Variants in DNER observed in about 807,000 individuals in gnomAD.
DNER encodes the protein delta/notch like EGF repeat containing.
In DNER, 33 loss-of-function variants were observed where a neutral mutation model predicts 78.2. The ratio of observed to expected loss-of-function variants is 0.42; its 90% CI spans 0.32 to 0.56. DNER has a LOEUF of 0.56. DNER is among the 20% of genes least tolerant of loss of function. The pLI is 0.11. For missense variants in DNER, 918 were observed against 975.3 expected (o/e 0.94, Z 0.78); for synonymous variants, 417 against 384.8 (o/e 1.08, Z -0.98).
chr2:229,403,613 C>T (rs1005440443), intron 10 of DNER, among the ~76,000 whole-genome samples: 2 of 152,168 alleles, frequency 1.3e-5, no homozygotes, highest in African/African-American at 4.8e-5. Context: ...GAATAGACCA[C>T]TTGTTTTCAA....
chr2:229,676,032 C>A (rs1407302989), intron 1 of DNER, among the ~76,000 whole-genome samples: 1 of 152,176 alleles, frequency 6.6e-6, no homozygotes, highest in Non-Finnish European at 1.5e-5. Flanking sequence ...CCCACTCTCA[C>A]AAGTTCTGGA....
chr2:229,563,546 T>A (rs1376915297), intron 4 of DNER, among the ~76,000 whole-genome samples: 1 of 120,478 alleles, frequency 8.3e-6, no homozygotes, highest in Non-Finnish European at 1.7e-5. Context: ...CATCACCCCA[T>A]CACCATCATC....
rs189505358 is a variant in DNER at position 229,432,728 on chromosome 2, T to C, written c.1487-14498A>G. Among the ~76,000 whole-genome samples, 13 of 152,244 alleles carry C rather than the reference T, an allele frequency of 8.5e-5. No individual in the cohort carries two copies. The East Asian group carries it at 2.5e-3, about 29-fold the overall frequency. On this transcript the variant is annotated intron_variant, in intron 8 of 12. Transcript: ENST00000341772. The stretch of plus-strand genomic sequence containing the variant: ...ACTCAAGACCCGCTGATTCAGGGAC[T>C]CTAAGGGTAGGGCCCAGAACTCCAT...
At chr2:229,445,908 G>A (rs1279037656) in intron 8 of DNER, among the ~76,000 whole-genome samples, 2 of 152,206 alleles carry the variant, frequency 1.3e-5, no homozygotes, top group African/African-American at 4.8e-5. Flanking sequence ...AATATCAGTT[G>A]CTTAGAAAAT....
chr2:229,654,121 C>G (rs556284669), intron 1 of DNER, among the ~76,000 whole-genome samples: 1 of 152,076 alleles, frequency 6.6e-6, no homozygotes, highest in Non-Finnish European at 1.5e-5. Context: ...CCACTCCCCC[C>G]ACCCCACCAC....
intron 6 of DNER, among the ~76,000 whole-genome samples, chr2:229,500,721 T>C (rs1164841951): frequency 6.6e-6 from 1 of 152,134 alleles, no homozygotes; most frequent in Non-Finnish European, 1.5e-5. Flanking sequence ...AAAATTTCCA[T>C]AGGTTTCGGG....
chr2:229,403,160 T>C (rs970543037), intron 10 of DNER, among the ~76,000 whole-genome samples: 1 of 152,168 alleles, frequency 6.6e-6, no homozygotes, highest in African/African-American at 2.4e-5. Flanking sequence ...TTTTGAACAC[T>C]CAGTAGCTGG....
intron 1 of DNER, among the ~76,000 whole-genome samples, chr2:229,698,460 C>T (rs1321494706): frequency 5.3e-5 from 8 of 152,302 alleles, no homozygotes; most frequent in African/African-American, 1.9e-4. Flanking sequence ...ACAGGCTCTA[C>T]TTGCATTTAT....
Position 229,629,026 on chromosome 2 carries a change from G to C in DNER, c.277-37138C>G, listed in dbSNP as rs552695793. Among the ~76,000 whole-genome samples the C allele has an allele frequency of 3.9e-5, 6 of 152,222 alleles. No individual in the cohort carries two copies. The South Asian group carries it at 1.2e-3, about 32-fold the overall frequency. The stretch of plus-strand genomic sequence containing the variant: ...CCACTCACTGTTTTTTGCTCTCAGG[G>C]AAAGGAGCAAGAAAAAGAAATGGGA... On this transcript the variant is annotated intron_variant, in intron 1 of 12. Transcript: ENST00000341772.
At position 229,585,908 on chromosome 2, in the gene DNER, C is replaced by A. The variant is rs146328067; in HGVS notation, c.797G>T (p.Gly266Val). Residue 266 changes from glycine to valine, a missense_variant, in exon 4 of 13, where the codon GGA becomes GTA. By Grantham distance (109) the Gly-to-Val change is moderately radical. Transcript: ENST00000341772. ...GAGCATCTCCTCCAGGAGGACCAGT[C>A]CCCCTGAAGCCTGAAGGGGGGTCAC... ...RSVTPLQASG[G>V]LVLLEEMLAL... 3.1e-6 allele frequency: 5 copies of A among 1,614,020 alleles called. No individual in the cohort carries two copies. The highest frequency in any genetic ancestry group is 3.3e-4 in the Middle Eastern group (2 of 6,062).
At chr2:229,465,588 TA>T (rs902988159) in intron 7 of DNER, among the ~76,000 whole-genome samples, 18 of 150,890 alleles carry the variant, frequency 1.2e-4, no homozygotes, top group African/African-American at 4.1e-4. Context: ...AAATAACATT[TA>T]AAAAAAAATA....
Position 229,435,130 on chromosome 2 carries a change from A to C in DNER, c.1486+12186T>G, listed in dbSNP as rs974861307. ...CTGGGACATTGGCAAACAACAGAAGAAGCAGCTTTAAAGAGAGCATGCATA... is the reference window on the plus strand; with the variant it reads ...CTGGGACATTGGCAAACAACAGAAGCAGCAGCTTTAAAGAGAGCATGCATA... On this transcript the variant is annotated intron_variant, in intron 8 of 12. Coordinates refer to ENST00000341772, the MANE Select transcript of DNER (RefSeq NM_139072.4). Among the ~76,000 whole-genome samples, 5 of 152,302 alleles carry C rather than the reference A, an allele frequency of 3.3e-5. 1 individual carries two copies. Among genetic ancestry groups the C allele is most frequent in the Non-Finnish European group, 2.9e-5 (2 of 68,022 alleles).
At chr2:229,708,775 C>G (rs1699866571) in intron 1 of DNER, among the ~76,000 whole-genome samples, 2 of 152,116 alleles carry the variant, frequency 1.3e-5, no homozygotes, top group African/African-American at 4.8e-5. Flanking sequence ...GTGAGGTGGC[C>G]AAGCTGAGAA....
intron 4 of DNER, among the ~76,000 whole-genome samples, chr2:229,552,073 A>G (rs930622899): frequency 1.3e-5 from 2 of 152,232 alleles, no homozygotes; most frequent in African/African-American, 2.4e-5. Flanking sequence ...TACAATGAAG[A>G]TTACTGAGCA....
intron 4 of DNER, among the ~76,000 whole-genome samples, chr2:229,561,371 C>G (rs971427197): frequency 2.0e-5 from 3 of 152,136 alleles, no homozygotes; most frequent in Non-Finnish European, 4.4e-5. Context: ...AACATACAAT[C>G]AACTTGCTAT....
At chr2:229,680,170 G>A (rs1192178262) in intron 1 of DNER, among the ~76,000 whole-genome samples, 1 of 152,154 alleles carries the variant, frequency 6.6e-6, no homozygotes, top group Non-Finnish European at 1.5e-5. Flanking sequence ...ATCATCCACA[G>A]AGGAATAATG....
At chr2:229,538,786 G>A (rs1329822834) in intron 5 of DNER, among the ~76,000 whole-genome samples, 1 of 152,078 alleles carries the variant, frequency 6.6e-6, no homozygotes, top group Admixed American at 6.6e-5. Context: ...TGATCCACCC[G>A]CCTCAGCCTC....
Position 229,615,755 on chromosome 2 carries a change from T to C in DNER, c.277-23867A>G, listed in dbSNP as rs55924686. 1.9e-3 allele frequency among the ~76,000 whole-genome samples: 290 copies of C among 151,746 alleles called. 1 individual carries two copies. The highest frequency in any genetic ancestry group is 6.4e-3 in the African/African-American group (266 of 41,382). ...GTTTTGTAGAGGACAAAGTGTCACA[T>C]TTCTGTAGTGGTCATCCCTTCACTA... On this transcript the variant is annotated intron_variant, in intron 1 of 12. Transcript: ENST00000341772.
In DNER at chr2:229,591,933, A is replaced by C; in HGVS notation, c.277-45T>G. 1 of 1,456,524 alleles carries C rather than the reference A, an allele frequency of 6.9e-7. No individual in the cohort carries two copies. Among genetic ancestry groups the C allele is most frequent in the Non-Finnish European group, 9.0e-7 (1 of 1,108,250 alleles). 90.2% of individuals were successfully genotyped at this position (1,456,524 alleles called of 1,614,324 possible). ...GGGTCAATTATTCCCTCATAAGAAA[A>C]GTGGTGCCATCGCTGGGAAATTAGC... On this transcript the variant is annotated intron_variant, in intron 1 of 12. Transcript: ENST00000341772. The surrounding 1 kb of genome is among the most constrained non-coding windows in gnomAD (Gnocchi z 4.6).
Sources: allele counts gnomAD v4.1 joint callset (sites outside exome capture counted in the v4.1 genomes callset), GRCh38; gene constraint gnomAD v4.1.1; non-coding constraint Gnocchi (gnomAD v3.1); transcripts MANE v1.5; gene names NCBI Gene and HGNC (gene_info 2026-07-23, HGNC 2026-07-21).